The following GRIP1 variants were observed in gnomAD, a reference collection of about 807,000 sequenced individuals.
GRIP1 encodes glutamate receptor interacting protein 1.
A neutral mutation model predicts 129.9 loss-of-function variants in GRIP1; 45 were observed. The ratio of observed to expected loss-of-function variants is 0.35; its 90% CI spans 0.27 to 0.44. GRIP1 has a LOEUF of 0.44. GRIP1 is among the 20% of genes least tolerant of loss of function. The pLI is 1.00. For missense variants in GRIP1, 1,196 were observed against 1,396.8 expected (o/e 0.86, Z 2.29); for synonymous variants, 530 against 520.8 (o/e 1.02, Z -0.24).
intron 1 of GRIP1, among the ~76,000 whole-genome samples, chr12:66,973,914 C>G (rs375206956): frequency 8.8e-6 from 1 of 113,730 alleles, no homozygotes; most frequent in South Asian, 2.7e-4. Flanking sequence ...CTTTTCTTTT[C>G]TTTTCTTTTT....
At chr12:66,651,884 C>T (rs2032820861) in intron 1 of GRIP1, among the ~76,000 whole-genome samples, 1 of 151,866 alleles carries the variant, frequency 6.6e-6, no homozygotes, top group Admixed American at 6.6e-5. Context: ...ACCAAACAGG[C>T]TGCCCAGATC....
chr12:66,740,164 A>G (rs1260627704), intron 1 of GRIP1, among the ~76,000 whole-genome samples: 2 of 152,176 alleles, frequency 1.3e-5, no homozygotes, highest in Non-Finnish European at 2.9e-5. Context: ...CCTTGTTGCT[A>G]TGCCATGTCT....
intron 1 of GRIP1, among the ~76,000 whole-genome samples, chr12:66,762,734 A>G (rs904323639): frequency 5.3e-5 from 8 of 152,348 alleles, no homozygotes; most frequent in Middle Eastern, 3.4e-3. Flanking sequence ...ACTCATATTT[A>G]TTTAAAGGAG....
intron 2 of GRIP1, among the ~76,000 whole-genome samples, chr12:66,551,034 C>T (rs906007653): frequency 1.1e-4 from 17 of 152,206 alleles, no homozygotes; most frequent in Non-Finnish European, 1.5e-4. Flanking sequence ...GATTGAAAAT[C>T]GGAGTTTACA....
chr12:66,439,204 T>C (rs1161395042), intron 13 of GRIP1, among the ~76,000 whole-genome samples: 1 of 152,208 alleles, frequency 6.6e-6, no homozygotes, highest in Non-Finnish European at 1.5e-5. Flanking sequence ...TTCTGTGAGA[T>C]TTCACTGCAT....
intron 1 of GRIP1, among the ~76,000 whole-genome samples, chr12:66,756,280 C>T (rs1412276530): frequency 6.6e-6 from 1 of 152,090 alleles, no homozygotes; most frequent in East Asian, 1.9e-4. Flanking sequence ...GCAATCATAT[C>T]ATATTTGTCT....
intron 1 of GRIP1, among the ~76,000 whole-genome samples, chr12:66,733,266 T>G (rs896816430): frequency 1.3e-5 from 2 of 152,210 alleles, no homozygotes; most frequent in African/African-American, 4.8e-5. Context: ...AGACTGCTAA[T>G]TGGTGAACTA....
chr12:66,646,493 G>A (rs543213385), intron 1 of GRIP1, among the ~76,000 whole-genome samples: 108 of 152,232 alleles, frequency 7.1e-4, no homozygotes, highest in African/African-American at 2.3e-3. Context: ...ATGTGGTGGC[G>A]CGCACCTGCA....
chr12:67,049,927 G>A (rs1477317734), intron 1 of GRIP1, among the ~76,000 whole-genome samples: 1 of 141,118 alleles, frequency 7.1e-6, no homozygotes, highest in Non-Finnish European at 1.5e-5. Context: ...AAGTTGTTTT[G>A]TTTTAATTGG....
At chr12:66,454,798 T>C (rs2058907627) in intron 11 of GRIP1, among the ~76,000 whole-genome samples, 1 of 152,182 alleles carries the variant, frequency 6.6e-6, no homozygotes, top group Admixed American at 6.5e-5. Flanking sequence ...GAGTGGACAG[T>C]AAGAAGTGTA....
In GRIP1 at chr12:66,371,697, G is replaced by A. The variant is rs1310999738; in HGVS notation, c.3009C>T (p.His1003=). Residue 1003 remains histidine (H), a synonymous_variant, in exon 23 of 25, where the codon CAC becomes CAT. Coordinates refer to ENST00000359742, the MANE Select transcript of GRIP1 (RefSeq NM_001366722.1). ...EIMSPTPVEL[H]KVTLYKDSDM... ...AAAGAAGAGAAAGCTTACTGACCTT[G>A]TGCAGCTCCACAGGAGTTGGAGACA... The A allele has an allele frequency of 7.5e-6, 12 of 1,598,720 alleles. No individual in the cohort carries two copies. In the African/African-American group the frequency reaches 1.3e-4, roughly 18 times the overall value.
intron 3 of GRIP1, among the ~76,000 whole-genome samples, chr12:66,541,122 T>G (rs1238775139): frequency 1.3e-5 from 2 of 152,164 alleles, no homozygotes; most frequent in South Asian, 2.1e-4. Flanking sequence ...CTGGCCTCAT[T>G]TTTAATGAAA....
intron 1 of GRIP1, among the ~76,000 whole-genome samples, chr12:66,776,332 T>C (rs1384427140): frequency 6.6e-6 from 1 of 152,224 alleles, no homozygotes; most frequent in Non-Finnish European, 1.5e-5. Context: ...GAGAACAAAT[T>C]GACTATTTCT....
chr12:67,014,428 A>T (rs1201595510), intron 1 of GRIP1, among the ~76,000 whole-genome samples: 5 of 152,218 alleles, frequency 3.3e-5, no homozygotes, highest in Admixed American at 2.6e-4. Flanking sequence ...AAACTGCAGA[A>T]AACAAGAATA....
At position 66,371,574 on chromosome 12, in the gene GRIP1, G is replaced by C. The variant is rs996197182; in HGVS notation, c.3012+120C>G. The stretch of plus-strand genomic sequence containing the variant: ...AAAGTCTCTGAAGATCTGTTTTTAA[G>C]CTTCTTTGCTTGGCTGAGCCCATAG... On this transcript the variant is annotated intron_variant, in intron 23 of 24. Coordinates refer to ENST00000359742, the MANE Select transcript of GRIP1 (RefSeq NM_001366722.1). 8 of 747,792 alleles carry C rather than the reference G, an allele frequency of 1.1e-5. No homozygotes were observed. The African/African-American group carries it at 1.4e-4, about 13-fold the overall frequency. The allele number at this position is 747,792 out of a possible 1,614,324, so 46.3% of individuals were successfully genotyped here.
intron 1 of GRIP1, among the ~76,000 whole-genome samples, chr12:67,064,739 T>C (rs2043592491): frequency 6.6e-6 from 1 of 152,196 alleles, no homozygotes; most frequent in Non-Finnish European, 1.5e-5. Flanking sequence ...CTCCCTGTGC[T>C]TTCTCATAGA....
At chr12:66,698,329 T>G (rs1415625096) in intron 1 of GRIP1, among the ~76,000 whole-genome samples, 2 of 152,234 alleles carry the variant, frequency 1.3e-5, no homozygotes, top group African/African-American at 4.8e-5. Flanking sequence ...ACCTGTCAAC[T>G]ATGGGGAAAC....
chr12:67,021,482 G>A (rs2042866272), intron 1 of GRIP1, among the ~76,000 whole-genome samples: 1 of 152,112 alleles, frequency 6.6e-6, no homozygotes, highest in Non-Finnish European at 1.5e-5. Flanking sequence ...AGTAGTGTTT[G>A]TTGTATGGAT....
intron 1 of GRIP1, among the ~76,000 whole-genome samples, chr12:66,640,476 G>A (rs2031821929): frequency 6.6e-6 from 1 of 152,134 alleles, no homozygotes; most frequent in African/African-American, 2.4e-5. Flanking sequence ...AAATATCCCA[G>A]AGATACTCAA....
Sources: gnomAD v4.1 joint callset for allele counts (sites outside exome capture counted in the v4.1 genomes callset) on GRCh38, gnomAD v4.1.1 for gene constraint, MANE v1.5 for transcripts, NCBI Gene and HGNC (gene_info 2026-07-23, HGNC 2026-07-21) for gene names.